DLG2: variants seen among roughly 807,000 people sequenced by gnomAD.
The protein encoded by DLG2 is discs large MAGUK scaffold protein 2, also known as disks large homolog 2.
DLG2 carries 45 observed loss-of-function variants against 132.5 expected under a neutral mutation model. The ratio of observed to expected loss-of-function variants is 0.34; its 90% confidence interval spans 0.27 to 0.44. The LOEUF is 0.44. Among genes scored for constraint, DLG2 ranks in the 20% least tolerant of loss-of-function variants. DLG2 has a pLI of 1.00. For synonymous variants in DLG2, 424 were observed against 419.6 expected (o/e 1.01, Z -0.13); for missense variants, 1,045 against 1,196.9 (o/e 0.87, Z 1.87).
At chr11:84,045,703 C>CAAAATTTATAGAAATTTGTAGAG (rs773772555) in intron 11 of DLG2, among the ~76,000 whole-genome samples, 131 of 151,302 alleles carry the variant, frequency 8.7e-4, no homozygotes, top group African/African-American at 1.8e-3. Context: ...GGGATACTGC[C>CAAAATTTATAGAAATTTGTAGAG]AAAATTTATA....
chr11:85,569,269 T>G (rs1367837682), intron 3 of DLG2, among the ~76,000 whole-genome samples: 8 of 152,138 alleles, frequency 5.3e-5, no homozygotes, highest in Admixed American at 5.2e-4. Flanking sequence ...TGACCTCAGG[T>G]GATCTGCCCT....
intron 16 of DLG2, among the ~76,000 whole-genome samples, chr11:83,855,071 A>T (rs922029605): frequency 6.6e-6 from 1 of 152,196 alleles, no homozygotes; most frequent in Non-Finnish European, 1.5e-5. Flanking sequence ...ACATGAAAAG[A>T]CGCCTCACAT....
At chr11:85,095,882 CTCT>C (rs2069647986) in intron 6 of DLG2, among the ~76,000 whole-genome samples, 1 of 152,194 alleles carries the variant, frequency 6.6e-6, no homozygotes, top group Admixed American at 6.5e-5. Flanking sequence ...TAATTCATTT[CTCT>C]TCTTCTTCAC....
chr11:84,505,374 G>C (rs1298756063), intron 7 of DLG2, among the ~76,000 whole-genome samples: 1 of 152,104 alleles, frequency 6.6e-6, no homozygotes, highest in Non-Finnish European at 1.5e-5. Context: ...AGAATCCTAA[G>C]AGATAAGTGC....
At chr11:84,011,234 G>A (rs1368148018) in intron 11 of DLG2, among the ~76,000 whole-genome samples, 1 of 152,044 alleles carries the variant, frequency 6.6e-6, no homozygotes, top group African/African-American at 2.4e-5. Context: ...ACTTTGGGAG[G>A]CTGAAGTAGG....
intron 7 of DLG2, among the ~76,000 whole-genome samples, chr11:84,488,780 C>T (rs533883406): frequency 1.2e-3 from 177 of 152,200 alleles, no homozygotes; most frequent in African/African-American, 4.2e-3. Flanking sequence ...TTCAAAAGAC[C>T]TGGTAAAACT....
intron 7 of DLG2, among the ~76,000 whole-genome samples, chr11:84,328,254 G>GA (rs997672173): frequency 1.3e-5 from 2 of 150,744 alleles, no homozygotes; most frequent in Non-Finnish European, 3.0e-5. Flanking sequence ...AAGTGAAGAG[G>GA]AAAAAAAGGA....
chr11:85,372,526 A>G (rs1407073687), intron 3 of DLG2, among the ~76,000 whole-genome samples: 4 of 152,236 alleles, frequency 2.6e-5, no homozygotes, highest in African/African-American at 4.8e-5. Flanking sequence ...AGCAAATGAT[A>G]ATGAAGGTTA....
rs201731957 is a variant in DLG2 at position 83,480,602 on chromosome 11, C to A, written c.2293+3527G>T. On this transcript the variant is annotated intron_variant, in intron 22 of 27. Transcript: ENST00000376104. ...AAACTTTATCTCCATTTTACAGGAA[C>A]CCGCTGCTTGATTGCTGTTTCTTCT... 13 of 1,556,094 alleles carry A rather than the reference C, an allele frequency of 8.4e-6. No homozygotes were observed. In the East Asian group the frequency reaches 1.2e-4, roughly 14 times the overall value.
chr11:85,495,661 GA>G (rs1243012676), intron 3 of DLG2, among the ~76,000 whole-genome samples: 2 of 152,142 alleles, frequency 1.3e-5, no homozygotes, highest in African/African-American at 4.8e-5. Context: ...GAAGAAATAG[GA>G]ATGCTTTTAC....
intron 3 of DLG2, among the ~76,000 whole-genome samples, chr11:85,382,028 TC>T (rs2152931391): frequency 6.6e-6 from 1 of 152,204 alleles, no homozygotes; most frequent in Non-Finnish European, 1.5e-5. Flanking sequence ...GACAAGCTGA[TC>T]CTAAAATTCA....
At chr11:85,539,251 C>T (rs2075807257) in intron 3 of DLG2, among the ~76,000 whole-genome samples, 1 of 149,626 alleles carries the variant, frequency 6.7e-6, no homozygotes, top group African/African-American at 2.6e-5. Context: ...CATCCTGACA[C>T]ATGATACAGC....
At chr11:84,247,811 C>A (rs929083626) in intron 8 of DLG2, among the ~76,000 whole-genome samples, 3 of 152,158 alleles carry the variant, frequency 2.0e-5, no homozygotes, top group Non-Finnish European at 4.4e-5. Context: ...TGCCAAGGAA[C>A]CATTTTCACA....
chr11:84,489,982 T>C (rs1167591670), intron 7 of DLG2, among the ~76,000 whole-genome samples: 1 of 151,748 alleles, frequency 6.6e-6, no homozygotes, highest in Non-Finnish European at 1.5e-5. Context: ...AAAAGAAAAA[T>C]AGAAAAAAAG....
chr11:84,373,268 A>AAAAAAAAAAAC (rs1567449347), intron 7 of DLG2, among the ~76,000 whole-genome samples: 4 of 135,782 alleles, frequency 2.9e-5, no homozygotes, highest in Non-Finnish European at 4.6e-5. Flanking sequence ...AAAAAAACAA[A>AAAAAAAAAAAC]ACAAAAAAAA....
chr11:85,587,947 A>C (rs2079074586), intron 3 of DLG2, among the ~76,000 whole-genome samples: 2 of 152,130 alleles, frequency 1.3e-5, no homozygotes, highest in South Asian at 4.1e-4. Flanking sequence ...TCTCTCCTTC[A>C]TTTATGAAGC....
At chr11:83,846,671 T>C (rs1054347739) in intron 16 of DLG2, among the ~76,000 whole-genome samples, 3 of 152,158 alleles carry the variant, frequency 2.0e-5, no homozygotes, top group Non-Finnish European at 4.4e-5. Context: ...TGAGACTACA[T>C]ATAACAACCT....
intron 11 of DLG2, among the ~76,000 whole-genome samples, chr11:84,057,058 T>C (rs1158389480): frequency 6.6e-6 from 1 of 152,122 alleles, no homozygotes; most frequent in African/African-American, 2.4e-5. Context: ...ATTGCCTAGG[T>C]ATACCAAGTT....
At chr11:84,976,182 AT>A (rs941556582) in intron 6 of DLG2, among the ~76,000 whole-genome samples, 51 of 152,256 alleles carry the variant, frequency 3.3e-4, no homozygotes, top group African/African-American at 1.1e-3. Flanking sequence ...GAAGACTGGA[AT>A]TTTTTTGTGT....
Sources: gnomAD v4.1 joint callset for allele counts (sites outside exome capture counted in the v4.1 genomes callset) on GRCh38, gnomAD v4.1.1 for gene constraint, MANE v1.5 for transcripts, NCBI Gene and HGNC (gene_info 2026-07-23, HGNC 2026-07-21) for gene names.